KCNIP4: variants seen among roughly 807,000 people sequenced by gnomAD.
KCNIP4 encodes potassium voltage-gated channel interacting protein 4, also known as Kv channel-interacting protein 4.
KCNIP4 carries 12 observed loss-of-function variants against 34.0 expected under a neutral mutation model. The ratio of observed to expected loss-of-function variants is 0.35; its 90% CI spans 0.23 to 0.57. The LOEUF is 0.57. Ranked by LOEUF, KCNIP4 falls within the 20% of genes least tolerant of loss-of-function variation. KCNIP4 has a pLI of 0.83. For synonymous variants in KCNIP4, 124 were observed against 102.2 expected, an observed-to-expected ratio of 1.21 and a Z score of -1.29; for missense variants, 238 against 311.7, an observed-to-expected ratio of 0.76 and a Z score of 1.78.
At chr4:21,143,286 G>A (rs2109217751) in intron 1 of KCNIP4, among the ~76,000 whole-genome samples, 1 of 152,322 alleles carries the variant, frequency 6.6e-6, no homozygotes, top group African/African-American at 2.4e-5. Context: ...TCCAAAGCAA[G>A]AGAAGGACTC....
chr4:20,835,793 CATCTT>C (rs1329769010), intron 3 of KCNIP4, among the ~76,000 whole-genome samples: 17 of 152,118 alleles, frequency 1.1e-4, no homozygotes, highest in African/African-American at 3.6e-4. Flanking sequence ...CAGTTTTCTG[CATCTT>C]AGTAAATGGT....
intron 1 of KCNIP4, among the ~76,000 whole-genome samples, chr4:21,264,914 A>G (rs1309463016): frequency 1.3e-5 from 2 of 152,038 alleles, no homozygotes; most frequent in African/African-American, 4.8e-5. Context: ...CCTGGCCAAC[A>G]TGGTGAAACT....
chr4:20,849,079 C>G (rs1441333001), intron 3 of KCNIP4, among the ~76,000 whole-genome samples: 1 of 152,166 alleles, frequency 6.6e-6, no homozygotes. Context: ...CATCCTCTTT[C>G]CTGGTTGTCA....
At chr4:21,009,143 A>G (rs1738838733) in intron 1 of KCNIP4, among the ~76,000 whole-genome samples, 2 of 152,152 alleles carry the variant, frequency 1.3e-5, no homozygotes, top group South Asian at 4.1e-4. Flanking sequence ...AAAGTGTAGA[A>G]CTTTTAGAAA....
intron 3 of KCNIP4, among the ~76,000 whole-genome samples, chr4:20,842,054 A>C (rs1719792216): frequency 6.6e-6 from 1 of 151,816 alleles, no homozygotes; most frequent in African/African-American, 2.4e-5. Context: ...GCCACTAGAT[A>C]TTTTCTTATT....
chr4:21,835,255 C>A (rs1723249543), intron 1 of KCNIP4, among the ~76,000 whole-genome samples: 1 of 151,998 alleles, frequency 6.6e-6, no homozygotes, highest in South Asian at 2.1e-4. Flanking sequence ...AAACCAGAGA[C>A]AACAGAAGGC....
chr4:21,691,691 CTTTTTTTTTTT>C (rs36004947), intron 1 of KCNIP4, among the ~76,000 whole-genome samples: 1 of 103,144 alleles, frequency 9.7e-6, no homozygotes, highest in Non-Finnish European at 1.9e-5. Flanking sequence ...AAACGCAGCT[CTTTTTTTTTTT>C]TTTTTTTTTT....
chr4:20,986,549 T>C (rs531101082), intron 1 of KCNIP4, among the ~76,000 whole-genome samples: 22 of 152,234 alleles, frequency 1.4e-4, no homozygotes, highest in Non-Finnish European at 2.5e-4. Flanking sequence ...TTTAATCCTA[T>C]ATCATACCAT....
At chr4:21,750,459 C>T (rs1041376631) in intron 1 of KCNIP4, among the ~76,000 whole-genome samples, 5 of 152,062 alleles carry the variant, frequency 3.3e-5, no homozygotes, top group Admixed American at 6.6e-5. Context: ...AATATGCCTC[C>T]GCAGCTCTAG....
rs370842675 is a variant in KCNIP4 at position 21,948,675 on chromosome 4, G to T, written c.-44C>A. ...CAGAAGCGAGACTCGAGAGTCCACC[G>T]GCCAGGGGCGTCTGTCCACGGGTCT... is the stretch of plus-strand genomic sequence containing the variant. On this transcript the variant is annotated 5_prime_UTR_variant, in exon 1 of 9. Coordinates refer to ENST00000382152, the MANE Select transcript of KCNIP4 (RefSeq NM_025221.6). 1 of 1,596,962 alleles carries T rather than the reference G, an allele frequency of 6.3e-7. No individual in the cohort carries two copies.
chr4:21,488,619 A>C (rs1309524633), intron 1 of KCNIP4, among the ~76,000 whole-genome samples: 1 of 152,186 alleles, frequency 6.6e-6, no homozygotes, highest in East Asian at 1.9e-4. Flanking sequence ...TAGGATATTT[A>C]GATTAGTAAG....
intron 1 of KCNIP4, among the ~76,000 whole-genome samples, chr4:21,737,883 G>A (rs1439388459): frequency 1.3e-5 from 2 of 151,914 alleles, no homozygotes; most frequent in Non-Finnish European, 2.9e-5. Context: ...AGGAGATCGA[G>A]ACCATCCTGG....
intron 1 of KCNIP4, among the ~76,000 whole-genome samples, chr4:21,153,072 A>G (rs980891857): frequency 7.9e-5 from 12 of 152,188 alleles, no homozygotes; most frequent in African/African-American, 2.9e-4. Flanking sequence ...GGTTGTTGCC[A>G]TTACAAACAA....
intron 1 of KCNIP4, among the ~76,000 whole-genome samples, chr4:21,170,748 A>T (rs1284415029): frequency 6.6e-6 from 1 of 152,214 alleles, no homozygotes; most frequent in Non-Finnish European, 1.5e-5. Context: ...AATTTTAAAC[A>T]TATTTATAAC....
chr4:21,626,225 G>A (rs764948146), intron 1 of KCNIP4, among the ~76,000 whole-genome samples: 13 of 152,058 alleles, frequency 8.5e-5, no homozygotes, highest in Admixed American at 1.3e-4. Flanking sequence ...GAATGTTTGT[G>A]TTCCTCCTAA....
intron 1 of KCNIP4, among the ~76,000 whole-genome samples, chr4:21,467,381 A>G (rs1730078619): frequency 6.6e-6 from 1 of 152,090 alleles, no homozygotes; most frequent in Non-Finnish European, 1.5e-5. Context: ...GTTTTTCTGG[A>G]TTTGAGTCTG....
intron 1 of KCNIP4, chr4:21,850,669 T>A (rs572384500): frequency 2.6e-5 from 4 of 152,168 alleles, no homozygotes; most frequent in Non-Finnish European, 5.9e-5. Flanking sequence ...AAAGCTCATT[T>A]AATTTCAATT....
chr4:21,228,441 A>G (rs1758560744), intron 1 of KCNIP4, among the ~76,000 whole-genome samples: 1 of 152,164 alleles, frequency 6.6e-6, no homozygotes, highest in South Asian at 2.1e-4. Context: ...TCTTCTTCAT[A>G]AACTACCCAG....
At chr4:20,912,560 G>A (rs1404767325) in intron 1 of KCNIP4, among the ~76,000 whole-genome samples, 14 of 152,076 alleles carry the variant, frequency 9.2e-5, no homozygotes, top group Non-Finnish European at 2.9e-5. Context: ...TAAAACTTCT[G>A]TGCTTCAAAG....
Sources: gnomAD v4.1 joint callset for allele counts (sites outside exome capture counted in the v4.1 genomes callset) on GRCh38, gnomAD v4.1.1 for gene constraint, MANE v1.5 for transcripts, NCBI Gene and HGNC (gene_info 2026-07-23, HGNC 2026-07-21) for gene names.